Variants in BSPH1 observed in about 807,000 individuals in gnomAD.
The protein encoded by BSPH1 is binder of sperm protein homolog 1, also known as binder of sperm 1.
Under a neutral mutation model 22.5 loss-of-function variants are expected in BSPH1, and 21 were observed. The ratio of observed to expected loss-of-function variants is 0.93; its 90% CI spans 0.66 to 1.35. The LOEUF (loss-of-function observed/expected upper bound fraction) is 1.35, where lower values mean the gene tolerates loss of function less well. BSPH1 is among the 40% of genes most tolerant of loss of function. The pLI, the probability that BSPH1 is intolerant of heterozygous loss-of-function variation, is 0.00. For synonymous variants in BSPH1, 42 were observed against 53.6 expected (o/e 0.78, Z 0.95); for missense variants, 141 against 154.2 (o/e 0.91, Z 0.45).
chr19:47,990,915 G>A (rs1969516891), intron 1 of BSPH1, among the ~76,000 whole-genome samples: 1 of 152,140 alleles, frequency 6.6e-6, no homozygotes, highest in African/African-American at 2.4e-5. Context: ...GAGACACATG[G>A]TTTTCAAGTA....
intron 1 of BSPH1, among the ~76,000 whole-genome samples, chr19:47,988,529 G>A (rs1969492658): frequency 6.6e-6 from 1 of 152,158 alleles, no homozygotes; most frequent in South Asian, 2.1e-4. Flanking sequence ...GAGGCGAGAG[G>A]AGCCTTCAGT....
At chr19:47,986,343 G>A (rs1469743776) in intron 1 of BSPH1, among the ~76,000 whole-genome samples, 1 of 152,206 alleles carries the variant, frequency 6.6e-6, no homozygotes, top group Non-Finnish European at 1.5e-5. Flanking sequence ...ACAATGAATG[G>A]GGAGGAGTTG....
At chr19:47,989,334 C>T (rs908827060) in intron 1 of BSPH1, among the ~76,000 whole-genome samples, 2 of 151,404 alleles carry the variant, frequency 1.3e-5, no homozygotes, top group Non-Finnish European at 1.5e-5. Context: ...TTAGTAGAGA[C>T]GGGGTTTCAC....
At chr19:47,985,785 A>G (rs750887198) in intron 1 of BSPH1, among the ~76,000 whole-genome samples, 4 of 151,774 alleles carry the variant, frequency 2.6e-5, no homozygotes, top group Non-Finnish European at 4.4e-5. Flanking sequence ...CAGTGAGCTG[A>G]GATCACACCA....
At chr19:47,980,617 C>T (rs1007461541) in intron 2 of BSPH1, among the ~76,000 whole-genome samples, 13 of 151,560 alleles carry the variant, frequency 8.6e-5, no homozygotes, top group African/African-American at 4.8e-5. Flanking sequence ...TACAGGCGCC[C>T]GCCACCATGC....
intron 1 of BSPH1, among the ~76,000 whole-genome samples, chr19:47,987,322 A>G (rs1160216625): frequency 2.0e-5 from 3 of 151,744 alleles, no homozygotes; most frequent in South Asian, 2.1e-4. Flanking sequence ...GAATGTCCCT[A>G]CAATTTCTAT....
intron 1 of BSPH1, among the ~76,000 whole-genome samples, chr19:47,991,655 G>A (rs62652777): frequency 8.3e-5 from 2 of 24,146 alleles, no homozygotes; most frequent in Admixed American, 6.0e-4. Flanking sequence ...CTCCTCCTCC[G>A]TCTGCTCCTC....
At chr19:47,968,936 T>C (rs545096456) in intron 5 of BSPH1, among the ~76,000 whole-genome samples, 8 of 144,576 alleles carry the variant, frequency 5.5e-5, no homozygotes, top group Non-Finnish European at 1.1e-4. Flanking sequence ...GAGGCGGAGG[T>C]TGCAGTGAGC....
At chr19:47,979,754 C>G (rs562594792) in intron 2 of BSPH1, among the ~76,000 whole-genome samples, 155 bp from the exon 3 acceptor site, 3 of 152,046 alleles carry the variant, frequency 2.0e-5, no homozygotes, top group Non-Finnish European at 2.9e-5. Flanking sequence ...GGCATCTGCT[C>G]TTTTTCAAAA....
intron 1 of BSPH1, among the ~76,000 whole-genome samples, chr19:47,988,936 C>T (rs1969496512): frequency 1.3e-5 from 2 of 151,848 alleles, no homozygotes; most frequent in African/African-American, 2.4e-5. Context: ...TCAGGCTAGG[C>T]GTATAGCTGA....
intron 1 of BSPH1, among the ~76,000 whole-genome samples, chr19:47,991,670 CCCT>C (rs553118042): frequency 8.1e-5 from 8 of 98,566 alleles, no homozygotes; most frequent in African/African-American, 2.6e-4. Flanking sequence ...CTCCTCCTCC[CCCT>C]CCTCCTCTTC....
At chr19:47,989,312 A>G (rs995528564) in intron 1 of BSPH1, among the ~76,000 whole-genome samples, 1 of 151,620 alleles carries the variant, frequency 6.6e-6, no homozygotes, top group African/African-American at 2.4e-5. Flanking sequence ...TGCCCGGCTA[A>G]TTGTTGTATT....
chr19:47,974,667 TTGCTCTCCCAC>T (rs1220508562), intron 5 of BSPH1, among the ~76,000 whole-genome samples: 1 of 151,988 alleles, frequency 6.6e-6, no homozygotes, highest in Non-Finnish European at 1.5e-5. Flanking sequence ...TCTTCCTCCC[TTGCTCTCCCAC>T]GCTCTCAATT....
rs1265460775 is a variant in BSPH1 at position 47,971,426 on chromosome 19, G to A, written c.*3-3217C>T. ...TCACCATGTTGGCCAGGCTGGTCTC[G>A]AATTTCTGACCTCAGGTGATCTGCC... On this transcript the variant is annotated intron_variant, in intron 5 of 5. Coordinates refer to ENST00000344839, the MANE Select transcript of BSPH1 (RefSeq NM_001128326.2). 5.3e-5 allele frequency among the ~76,000 whole-genome samples: 8 copies of A among 152,264 alleles called. 1 individual carries two copies. The highest frequency in any genetic ancestry group is 2.6e-4 in the Admixed American group (4 of 15,288).
At chr19:47,991,188 A>G (rs3826834) in intron 1 of BSPH1, among the ~76,000 whole-genome samples, 26,407 of 151,886 alleles carry the variant, frequency 0.17, 2,545 homozygotes, top group Non-Finnish European at 0.21. Flanking sequence ...CCAGAACGTT[A>G]AATACAGCGC....
chr19:47,971,451 C>T (rs767581546), intron 5 of BSPH1, among the ~76,000 whole-genome samples: 8 of 152,218 alleles, frequency 5.3e-5, no homozygotes, highest in Admixed American at 1.3e-4. Flanking sequence ...GGTGATCTGC[C>T]CGCCTCGGCC....
intron 1 of BSPH1, among the ~76,000 whole-genome samples, chr19:47,982,252 G>C (rs1025851299): frequency 1.6e-4 from 25 of 152,278 alleles, no homozygotes. Flanking sequence ...CATATTCTGT[G>C]TTCATAACTA....
At chr19:47,981,505 C>G (rs1482576408) in intron 1 of BSPH1, among the ~76,000 whole-genome samples, 1 of 152,184 alleles carries the variant, frequency 6.6e-6, no homozygotes, top group African/African-American at 2.4e-5. Flanking sequence ...GGCATTGTTT[C>G]CATCATCTTA....
intron 5 of BSPH1, among the ~76,000 whole-genome samples, chr19:47,972,078 C>A (rs949391302): frequency 6.6e-6 from 1 of 152,120 alleles, no homozygotes; most frequent in African/African-American, 2.4e-5. Context: ...CATTCCTAAA[C>A]AAGATAAATA....
Sources: allele counts gnomAD v4.1 joint callset (sites outside exome capture counted in the v4.1 genomes callset), GRCh38; gene constraint gnomAD v4.1.1; transcripts MANE v1.5; gene names NCBI Gene and HGNC (gene_info 2026-07-23, HGNC 2026-07-21).